Variants in KCNAB1 observed in about 807,000 individuals in gnomAD.
The protein encoded by KCNAB1 is potassium voltage-gated channel subfamily A regulatory beta subunit 1.
Under a neutral mutation model 64.6 loss-of-function variants are expected in KCNAB1, and 35 were observed. The ratio of observed to expected loss-of-function variants is 0.54; its 90% CI spans 0.41 to 0.72. KCNAB1 has a LOEUF of 0.72. Among genes scored for constraint, KCNAB1 ranks in the 30% least tolerant of loss-of-function variants. KCNAB1 has a pLI of 0.00. For missense variants in KCNAB1, 401 were observed against 512.9 expected (o/e 0.78, Z 2.11); for synonymous variants, 177 against 183.8 (o/e 0.96, Z 0.30).
chr3:156,478,527 G>A (rs995455573), intron 8 of KCNAB1, among the ~76,000 whole-genome samples: 6 of 152,078 alleles, frequency 3.9e-5, no homozygotes, highest in South Asian at 2.1e-4. Flanking sequence ...ACCAGGTAGC[G>A]CGGAGTACAA....
chr3:156,478,299 T>C (rs908314419), intron 8 of KCNAB1, among the ~76,000 whole-genome samples: 5 of 152,156 alleles, frequency 3.3e-5, no homozygotes, highest in Admixed American at 3.3e-4. Context: ...AAGTATATAT[T>C]GTTGAGTATT....
chr3:156,306,562 G>A (rs1721505952), intron 1 of KCNAB1, among the ~76,000 whole-genome samples: 1 of 152,240 alleles, frequency 6.6e-6, no homozygotes, highest in African/African-American at 2.4e-5. Flanking sequence ...CAGAAAGTGT[G>A]TTTTCGGTGT....
intron 1 of KCNAB1, among the ~76,000 whole-genome samples, chr3:156,398,331 G>A (rs1014987730): frequency 6.6e-6 from 1 of 152,114 alleles, no homozygotes; most frequent in Non-Finnish European, 1.5e-5. Context: ...GGTGGCTCAC[G>A]CCTGTAATCC....
chr3:156,328,771 G>A (rs1402822113), intron 1 of KCNAB1, among the ~76,000 whole-genome samples: 1 of 152,138 alleles, frequency 6.6e-6, no homozygotes, highest in African/African-American at 2.4e-5. Context: ...GAAGCATTAA[G>A]GATTTCCTTC....
chr3:156,316,949 G>A (rs779687389), intron 1 of KCNAB1, among the ~76,000 whole-genome samples: 5 of 152,156 alleles, frequency 3.3e-5, no homozygotes, highest in African/African-American at 9.7e-5. Context: ...CACAAACCCC[G>A]TCTCAGGGTG....
chr3:156,498,190 A>T (rs552678052), intron 8 of KCNAB1, among the ~76,000 whole-genome samples: 2 of 152,328 alleles, frequency 1.3e-5, no homozygotes, highest in Non-Finnish European at 2.9e-5. Flanking sequence ...AAAACGGATA[A>T]ATCATTTTAA....
intron 1 of KCNAB1, among the ~76,000 whole-genome samples, chr3:156,348,343 A>G (rs1724627341): frequency 6.6e-6 from 1 of 152,234 alleles, no homozygotes; most frequent in African/African-American, 2.4e-5. Flanking sequence ...CTATTGCAGC[A>G]TTAAGGCAGT....
At chr3:156,271,283 A>G (rs1719022181) in intron 1 of KCNAB1, among the ~76,000 whole-genome samples, 1 of 151,882 alleles carries the variant, frequency 6.6e-6, no homozygotes, top group Non-Finnish European at 1.5e-5. Flanking sequence ...TTCCACCCCT[A>G]TCTCTCTATC....
intron 1 of KCNAB1, among the ~76,000 whole-genome samples, chr3:156,173,304 G>C (rs908381976): frequency 6.6e-6 from 1 of 152,158 alleles, no homozygotes; most frequent in African/African-American, 2.4e-5. Flanking sequence ...GTTAACCAGG[G>C]TGTTTCCGAG....
At chr3:156,226,555 T>C (rs1291946294) in intron 1 of KCNAB1, among the ~76,000 whole-genome samples, 1 of 151,728 alleles carries the variant, frequency 6.6e-6, no homozygotes, top group East Asian at 1.9e-4. Context: ...CAAAGAGAAA[T>C]AGATGGGACT....
At chr3:156,181,468 T>G (rs1252371137) in intron 1 of KCNAB1, among the ~76,000 whole-genome samples, 1 of 152,244 alleles carries the variant, frequency 6.6e-6, no homozygotes, top group East Asian at 1.9e-4. Flanking sequence ...AGTGGAGTAA[T>G]TTGATAAAGC....
intron 1 of KCNAB1, among the ~76,000 whole-genome samples, chr3:156,151,457 T>G (rs1283729213): frequency 6.6e-6 from 1 of 152,230 alleles, no homozygotes; most frequent in Non-Finnish European, 1.5e-5. Flanking sequence ...GTCTAGTACT[T>G]AAGGCCAGAA....
At chr3:156,176,096 T>G in intron 1 of KCNAB1, 3 of 767,514 alleles carry the variant, frequency 3.9e-6, no homozygotes, top group Non-Finnish European at 7.3e-6. Flanking sequence ...CCTTGAACTA[T>G]GTTTACACAC....
At chr3:156,418,313 G>A (rs1302562275) in intron 1 of KCNAB1, among the ~76,000 whole-genome samples, 1 of 152,186 alleles carries the variant, frequency 6.6e-6, no homozygotes, top group African/African-American at 2.4e-5. Context: ...AGGTATTTGT[G>A]AAAATTCTAC....
At chr3:156,252,568 T>A (rs552546946) in intron 1 of KCNAB1, among the ~76,000 whole-genome samples, 2 of 152,334 alleles carry the variant, frequency 1.3e-5, no homozygotes, top group African/African-American at 4.8e-5. Flanking sequence ...CTTCAATATA[T>A]GAAGTTTCTG....
rs1483760074 is a variant in KCNAB1, at chr3:156,320,116, G to A, written c.276-101500G>A. Among the ~76,000 whole-genome samples the A allele has an allele frequency of 2.6e-5, 4 of 152,190 alleles. No homozygotes were observed. The East Asian group carries it at 7.7e-4, about 29-fold the overall frequency. Reference sequence around the variant, plus strand: ...TGAGGACTCCCCAGGCCATCAGACAGTGCTGTGCACAGGGTGTCAGGGAGC... The same window carrying A: ...TGAGGACTCCCCAGGCCATCAGACAATGCTGTGCACAGGGTGTCAGGGAGC... On this transcript the variant is annotated intron_variant, in intron 1 of 13. Coordinates refer to ENST00000490337, the MANE Select transcript of KCNAB1 (RefSeq NM_172160.3).
chr3:156,429,290 C>T (rs1716047403), intron 2 of KCNAB1, among the ~76,000 whole-genome samples: 1 of 152,222 alleles, frequency 6.6e-6, no homozygotes, highest in Non-Finnish European at 1.5e-5. Context: ...ATCTACATGG[C>T]AGCAGCCGCC....
chr3:156,257,295 A>G (rs768353868), intron 1 of KCNAB1, among the ~76,000 whole-genome samples: 2 of 152,210 alleles, frequency 1.3e-5, no homozygotes, highest in African/African-American at 4.8e-5. Context: ...GTAGTAAGTG[A>G]GGAAAGGAAC....
intron 1 of KCNAB1, chr3:156,290,945 A>C: frequency 1.0e-6 from 1 of 983,406 alleles, no homozygotes; most frequent in Non-Finnish European, 1.2e-6. Flanking sequence ...CAGGGATTTC[A>C]AGCTGTGTTT....
Sources: gnomAD v4.1 joint callset for allele counts (sites outside exome capture counted in the v4.1 genomes callset) on GRCh38, gnomAD v4.1.1 for gene constraint, MANE v1.5 for transcripts, NCBI Gene and HGNC (gene_info 2026-07-23, HGNC 2026-07-21) for gene names.